Variants in FAM53A observed in about 807,000 individuals in gnomAD.
The protein encoded by FAM53A is family with sequence similarity 53 member A.
FAM53A carries 28 observed loss-of-function variants against 26.6 expected under a neutral mutation model. That is an observed-to-expected ratio of 1.05 (90% confidence interval 0.78 to 1.45). FAM53A has a LOEUF of 1.45. Among genes scored for constraint, FAM53A ranks in the 40% most tolerant of loss-of-function variants. The probability of loss-of-function intolerance (pLI) is 0.00; values close to 1 mark genes in which losing one functional copy is unlikely to be tolerated. For synonymous variants in FAM53A, 290 were observed against 253.1 expected, an observed-to-expected ratio of 1.15 and a Z score of -1.38; for missense variants, 650 against 575.8, an observed-to-expected ratio of 1.13 and a Z score of -1.32.
At chr4:1,644,289 G>C (rs1712032409) in intron 4 of FAM53A, 2 of 1,535,894 alleles carry the variant, frequency 1.3e-6, no homozygotes, top group Admixed American at 2.0e-5. Context: ...GATGCTGTAA[G>C]CTCACGCCGA....
intron 4 of FAM53A, among the ~76,000 whole-genome samples, chr4:1,653,309 C>T (rs1713044525): frequency 6.6e-6 from 1 of 152,210 alleles, no homozygotes; most frequent in Non-Finnish European, 1.5e-5. Flanking sequence ...CCACACTGAG[C>T]CCCATGCAGC....
chr4:1,652,093 A>T lies in FAM53A; in HGVS notation c.882+2885T>A, dbSNP rs1453481167. Among the ~76,000 whole-genome samples the T allele has an allele frequency of 3.7e-4, 53 of 141,384 alleles. 1 individual carries two copies. The highest frequency in any genetic ancestry group is 7.5e-3 in the Middle Eastern group (2 of 268). 92.8% of individuals were successfully genotyped at this position (141,384 alleles called of 152,430 possible). ...TACACCAGTCACACACACATCACAC[A>T]TACCATACACACCAGACACACACAC... On this transcript the variant is annotated intron_variant, in intron 4 of 4. Coordinates refer to ENST00000308132, the MANE Select transcript of FAM53A (RefSeq NM_001174070.3).
the FAM53A span, among the ~76,000 whole-genome samples, chr4:1,600,466 G>A: frequency 6.6e-6 from 1 of 152,120 alleles, no homozygotes; most frequent in African/African-American, 2.4e-5. Flanking sequence ...GCGCAGGGAG[G>A]ACAGGGCTGC....
At chr4:1,631,430 G>A (rs1011213281) in intron 1 of FAM53A, among the ~76,000 whole-genome samples, 1 of 152,216 alleles carries the variant, frequency 6.6e-6, no homozygotes, top group African/African-American at 2.4e-5. Flanking sequence ...GAGAGTCCAG[G>A]GACAGCACTG....
chr4:1,593,168 G>A, the FAM53A span, among the ~76,000 whole-genome samples: 419 of 152,292 alleles, frequency 2.8e-3, 5 homozygotes, highest in East Asian at 0.027. Flanking sequence ...GTCGGGGGCC[G>A]GGGGCATCTG....
At chr4:1,623,244 G>A (rs891556038) in intron 1 of FAM53A, among the ~76,000 whole-genome samples, 2 of 152,214 alleles carry the variant, frequency 1.3e-5, no homozygotes, top group East Asian at 3.8e-4. Context: ...GGTGGACCCT[G>A]AGATGGGCCC....
chr4:1,649,191 G>GAAGGGA (rs1712527754), intron 4 of FAM53A, among the ~76,000 whole-genome samples: 1 of 144,274 alleles, frequency 6.9e-6, no homozygotes, highest in Non-Finnish European at 1.5e-5. Flanking sequence ...AGGGGAAGGG[G>GAAGGGA]AAGGGGAAAG....
intron 1 of FAM53A, among the ~76,000 whole-genome samples, chr4:1,680,735 A>G (rs1397993983): frequency 6.6e-6 from 1 of 152,198 alleles, no homozygotes; most frequent in African/African-American, 2.4e-5. Context: ...TACGTATTGT[A>G]TAATTCCTAC....
chr4:1,662,579 G>A (rs1254776562), intron 2 of FAM53A, among the ~76,000 whole-genome samples: 3 of 149,912 alleles, frequency 2.0e-5, no homozygotes, highest in East Asian at 2.0e-4. Context: ...GAGCCCAGGA[G>A]GTCGAGGCTG....
In FAM53A at chr4:1,641,389, G is replaced by C; in HGVS notation, c.1101C>G (p.Ser367Arg). ...ESVTSDGSRRSSGDPRDGDSV... is the reference protein window; with the variant it reads ...ESVTSDGSRRRSGDPRDGDSV... ...TGTCCCCATCACGGGGGTCCCCGCT[G>C]CTCCTGCGGGAGCCATCACTGGTCA... The change falls in exon 5 of 5, where the codon AGC becomes AGG. Residue 367 changes from serine to arginine, a missense_variant. By Grantham distance (110) the Ser-to-Arg change is moderately radical. Coordinates refer to ENST00000308132, the MANE Select transcript of FAM53A (RefSeq NM_001174070.3). 1 of 1,611,120 alleles carries C rather than the reference G, an allele frequency of 6.2e-7. No homozygotes were observed. The highest frequency in any genetic ancestry group is 8.5e-7 in the Non-Finnish European group (1 of 1,179,124).
rs1711528602 is a variant in FAM53A at position 1,639,907 on chromosome 4, C to T, written c.*1386G>A. Reference sequence around the variant, plus strand: ...TAATGTTTTCTTTTGCTATCGCAAACTCGAAACCCCTACGATTTTATTAAA... The same window carrying T: ...TAATGTTTTCTTTTGCTATCGCAAATTCGAAACCCCTACGATTTTATTAAA... On this transcript the variant is annotated 3_prime_UTR_variant, in exon 5 of 5. Coordinates refer to ENST00000308132, the MANE Select transcript of FAM53A (RefSeq NM_001174070.3). 6.6e-6 allele frequency: 1 copy of T among 152,206 alleles called. No individual in the cohort carries two copies. Among genetic ancestry groups the T allele is most frequent in the Non-Finnish European group, 1.5e-5 (1 of 68,036 alleles). 9.4% of individuals were successfully genotyped at this position (152,206 alleles called of 1,614,324 possible).
chr4:1,640,792 T>A lies in FAM53A; in HGVS notation c.*501A>T, dbSNP rs3752743. On this transcript the variant is annotated 3_prime_UTR_variant, in exon 5 of 5. Transcript: ENST00000308132. ...GGTGGCAGCCATGGCCCCGACCAGC[T>A]CACAGGAAACCTACTCTGTGCCCCG... The A allele has an allele frequency of 0.21, 71,632 of 348,868 alleles. 8,370 individuals are homozygous for A. Among genetic ancestry groups the A allele is most frequent in the Admixed American group, 0.3 (6,850 of 22,580 alleles). The allele number at this position is 348,868 out of a possible 1,614,324, so 21.6% of individuals were successfully genotyped here. A position where few individuals can be genotyped will look rare whatever the true frequency, so the allele number is the denominator to read the frequency against.
chr4:1,618,313 G>A (rs777299512), intron 1 of FAM53A, among the ~76,000 whole-genome samples: 4 of 152,210 alleles, frequency 2.6e-5, no homozygotes, highest in Non-Finnish European at 4.4e-5. Flanking sequence ...GAGGGTAGGC[G>A]GGTGAGTGAA....
chr4:1,606,340 C>T, the FAM53A span, among the ~76,000 whole-genome samples: 3 of 152,032 alleles, frequency 2.0e-5, no homozygotes, highest in Non-Finnish European at 2.9e-5. Flanking sequence ...CCACCGCACC[C>T]GGCCTCCTAT....
At chr4:1,644,069 T>C (rs1712006947) in intron 4 of FAM53A, 1 of 1,352,868 alleles carries the variant, frequency 7.4e-7, no homozygotes, top group Non-Finnish European at 9.9e-7. Flanking sequence ...CAGCTCGGTC[T>C]GGTGTCACCC....
intron 1 of FAM53A, among the ~76,000 whole-genome samples, chr4:1,681,665 T>TTTTTA (rs1428537762): frequency 6.6e-6 from 1 of 151,798 alleles, no homozygotes; most frequent in Non-Finnish European, 1.5e-5. Flanking sequence ...CCCAGCTCAT[T>TTTTTA]TTTTATTTTT....
chr4:1,672,092 A>G (rs1258998009), intron 1 of FAM53A, among the ~76,000 whole-genome samples: 1 of 142,568 alleles, frequency 7.0e-6, no homozygotes, highest in Non-Finnish European at 1.6e-5. Flanking sequence ...CCACGAACCC[A>G]CGAACCCAGG....
At position 1,653,017 on chromosome 4, in the gene FAM53A, C is replaced by T. The variant is rs545421388; in HGVS notation, c.882+1961G>A. ...CACATCCCACACACACATCACACAC[C>T]ACACACACTACACACACACAACACA... On this transcript the variant is annotated intron_variant, in intron 4 of 4. Transcript: ENST00000308132. 4.0e-3 allele frequency among the ~76,000 whole-genome samples: 611 copies of T among 151,154 alleles called. 3 individuals are homozygous for T. The highest frequency in any genetic ancestry group is 6.1e-3 in the Non-Finnish European group (412 of 67,644).
the FAM53A span, among the ~76,000 whole-genome samples, chr4:1,588,034 A>G: frequency 1.7e-3 from 252 of 152,312 alleles, 2 homozygotes; most frequent in Middle Eastern, 3.4e-3. Context: ...TTTCATTTGA[A>G]TTATATTTAA....
Sources: gnomAD v4.1 joint callset for allele counts (sites outside exome capture counted in the v4.1 genomes callset) on GRCh38, gnomAD v4.1.1 for gene constraint, MANE v1.5 for transcripts, NCBI Gene and HGNC (gene_info 2026-07-23, HGNC 2026-07-21) for gene names.